The following METTL15 variants were observed in gnomAD, a reference collection of about 807,000 sequenced individuals.
METTL15 encodes 12S rRNA N(4)-cytidine methyltransferase METTL15.
Under a neutral mutation model 38.3 loss-of-function variants are expected in METTL15, and 34 were observed. The observed-to-expected ratio is 0.89, with a 90% CI of 0.68 to 1.18. The LOEUF (loss-of-function observed/expected upper bound fraction) is 1.18. METTL15 is among the 50% of genes most tolerant of loss of function. METTL15 has a pLI of 0.00. For missense variants in METTL15, 438 were observed against 498.4 expected (o/e 0.88, Z 1.15); for synonymous variants, 162 against 170.9 (o/e 0.95, Z 0.41).
intron 5 of METTL15, among the ~76,000 whole-genome samples, chr11:28,373,880 A>G (rs922133034): frequency 7.2e-5 from 11 of 152,174 alleles, no homozygotes; most frequent in Admixed American, 2.0e-4. Context: ...AGCTTTCTAC[A>G]TATGGCTAGC....
chr11:28,209,224 T>C (rs1668764369), intron 3 of METTL15, among the ~76,000 whole-genome samples: 1 of 152,048 alleles, frequency 6.6e-6, no homozygotes, highest in Non-Finnish European at 1.5e-5. Flanking sequence ...CTAAATTGTT[T>C]TATTTAATCT....
At chr11:28,165,945 C>G (rs1289396650) in intron 3 of METTL15, among the ~76,000 whole-genome samples, 1 of 152,000 alleles carries the variant, frequency 6.6e-6, no homozygotes. Flanking sequence ...GCACCTTTGT[C>G]TAAAGTGTGT....
At position 28,231,446 on chromosome 11, in the gene METTL15, A is replaced by G. The variant is rs139087800; in HGVS notation, c.407+20248A>G. ...TCAAGTTAAGTTAGCTATTTAAGGA[A>G]TACTTCTATAAAACAGGCTTTTTTT... On this transcript the variant is annotated intron_variant, in intron 4 of 6. Coordinates refer to ENST00000407364, the MANE Select transcript of METTL15 (RefSeq NM_001113528.2). Among the ~76,000 whole-genome samples, 1,237 of 151,998 alleles carry G rather than the reference A, an allele frequency of 8.1e-3. 10 individuals are homozygous for G. The highest frequency in any genetic ancestry group is 0.015 in the South Asian group (71 of 4,828).
intron 3 of METTL15, chr11:28,134,467 G>T: frequency 2.5e-6 from 1 of 398,070 alleles, no homozygotes; most frequent in Non-Finnish European, 4.4e-6. Context: ...ACAAAACATG[G>T]GTTGGAGGTT....
intron 6 of METTL15, among the ~76,000 whole-genome samples, chr11:28,301,774 A>G (rs1213837637): frequency 6.6e-6 from 1 of 152,162 alleles, no homozygotes; most frequent in Non-Finnish European, 1.5e-5. Context: ...TTTTTTGGAC[A>G]GTATTGTTCT....
chr11:28,446,303 G>A (rs1390633570), intron 6 of METTL15, among the ~76,000 whole-genome samples: 1 of 152,092 alleles, frequency 6.6e-6, no homozygotes, highest in African/African-American at 2.4e-5. Context: ...AGATGTGCCA[G>A]TCTATTTTTA....
chr11:28,260,772 A>G (rs1468552635), intron 4 of METTL15, among the ~76,000 whole-genome samples: 1 of 152,222 alleles, frequency 6.6e-6, no homozygotes, highest in African/African-American at 2.4e-5. Flanking sequence ...ATATTATGCA[A>G]CTGGAGCCTT....
At position 28,311,036 on chromosome 11, in the gene METTL15, C is replaced by A. The variant is rs189918661; in HGVS notation, c.778+14105C>A. ...AGAGAGAGAGAGAGGAAGAGAGATT[C>A]CATCCATTATTTCCCAAGTTGGGCA... On this transcript the variant is annotated intron_variant, in intron 6 of 6. Coordinates refer to ENST00000407364, the MANE Select transcript of METTL15 (RefSeq NM_001113528.2). Among the ~76,000 whole-genome samples the A allele has an allele frequency of 1.5e-4, 23 of 149,002 alleles. No individual in the cohort carries two copies. The East Asian group carries it at 2.4e-3, about 16-fold the overall frequency.
At chr11:28,143,137 C>A (rs1190216796) in intron 3 of METTL15, among the ~76,000 whole-genome samples, 1 of 151,632 alleles carries the variant, frequency 6.6e-6, no homozygotes, top group Non-Finnish European at 1.5e-5. Context: ...TTTTTTTGGA[C>A]ATGTTTTTAG....
intron 2 of METTL15, among the ~76,000 whole-genome samples, chr11:28,111,644 T>A (rs1012890599): frequency 2.0e-5 from 3 of 152,220 alleles, no homozygotes; most frequent in Non-Finnish European, 4.4e-5. Flanking sequence ...GTTACAATTT[T>A]AGCTTTACGG....
At chr11:28,416,804 C>T (rs1183384408) in intron 5 of METTL15, among the ~76,000 whole-genome samples, 1 of 152,138 alleles carries the variant, frequency 6.6e-6, no homozygotes, top group Non-Finnish European at 1.5e-5. Flanking sequence ...GCAAGGCCAC[C>T]ATCTCTTGAT....
intron 4 of METTL15, among the ~76,000 whole-genome samples, chr11:28,270,648 C>G (rs1855606780): frequency 6.6e-6 from 1 of 152,150 alleles, no homozygotes; most frequent in Non-Finnish European, 1.5e-5. Flanking sequence ...GTAGTTGGAA[C>G]TACCTCAACG....
intron 3 of METTL15, among the ~76,000 whole-genome samples, chr11:28,155,641 A>T (rs1051578434): frequency 1.3e-5 from 2 of 152,166 alleles, no homozygotes; most frequent in African/African-American, 4.8e-5. Context: ...GCCAAGGAAG[A>T]ATGGGCAATG....
chr11:28,490,245 G>A (rs1851483477), intron 6 of METTL15, among the ~76,000 whole-genome samples: 2 of 152,224 alleles, frequency 1.3e-5, no homozygotes, highest in Non-Finnish European at 1.5e-5. Context: ...CAGGGATGGT[G>A]GTAGAATTGT....
intron 6 of METTL15, among the ~76,000 whole-genome samples, chr11:28,513,852 G>A (rs1247894730): frequency 6.6e-6 from 1 of 152,194 alleles, no homozygotes; most frequent in African/African-American, 2.4e-5. Flanking sequence ...GCCCTGGGCG[G>A]GCCAGGTGTT....
In METTL15 at chr11:28,391,935, C is replaced by CA. The variant is rs566824963; in HGVS notation, c.*358+29900dup. 1.2e-3 allele frequency among the ~76,000 whole-genome samples: 184 copies of CA among 152,040 alleles called. 2 individuals are homozygous for CA. The East Asian group carries it at 0.029, about 24-fold the overall frequency. On this transcript the variant is annotated intron_variant and NMD_transcript_variant, in intron 5 of 7. Coordinates refer to the METTL15 transcript ENST00000532947. ...GACTTCATGTCTAAAATACCAAAAG[C>CA]ATGGCAACAAAAGCCAAAATTGACA...
intron 4 of METTL15, among the ~76,000 whole-genome samples, chr11:28,282,844 A>G (rs1018288773): frequency 3.3e-5 from 5 of 152,178 alleles, no homozygotes; most frequent in Non-Finnish European, 5.9e-5. Context: ...CAAAAGAATC[A>G]CCAAGCTGAG....
At chr11:28,379,917 A>G (rs1386991531) in intron 5 of METTL15, among the ~76,000 whole-genome samples, 1 of 151,888 alleles carries the variant, frequency 6.6e-6, no homozygotes, top group Non-Finnish European at 1.5e-5. Flanking sequence ...GATATTTATA[A>G]TTGTCATATT....
chr11:28,208,719 C>G (rs1013760976), intron 3 of METTL15, among the ~76,000 whole-genome samples: 1 of 151,988 alleles, frequency 6.6e-6, no homozygotes, highest in East Asian at 1.9e-4. Context: ...GTGTTAAAGT[C>G]TCTTATTATT....
Sources: gnomAD v4.1 joint callset for allele counts (sites outside exome capture counted in the v4.1 genomes callset) on GRCh38, gnomAD v4.1.1 for gene constraint, MANE v1.5 for transcripts, NCBI Gene and HGNC (gene_info 2026-07-23, HGNC 2026-07-21) for gene names.